The following ABCA9 variants were observed in gnomAD, a reference collection of about 807,000 sequenced individuals.
ABCA9 encodes ATP-binding cassette sub-family A member 9.
Under a neutral mutation model 205.3 loss-of-function variants are expected in ABCA9, and 183 were observed. That is an observed-to-expected ratio of 0.89 (90% CI 0.79 to 1.01). The LOEUF (loss-of-function observed/expected upper bound fraction) is 1.01, where lower values mean the gene tolerates loss of function less well. ABCA9 is among the 50% of genes least tolerant of loss of function. The probability of loss-of-function intolerance (pLI) is 0.00; values close to 1 mark genes in which losing one functional copy is unlikely to be tolerated. For synonymous variants in ABCA9, 651 were observed against 683.3 expected (o/e 0.95, Z 0.74); for missense variants, 1,805 against 1,912.4 (o/e 0.94, Z 1.05).
chr17:69,043,807 T>C (rs1354776634), intron 5 of ABCA9, 92 bp from the exon 6 acceptor site: 2 of 1,067,638 alleles, frequency 1.9e-6, no homozygotes, highest in Non-Finnish European at 2.7e-6. Context: ...ACGTACATTC[T>C]ACATTTATGT....
chr17:68,989,564 C>T (rs1214094766), intron 30 of ABCA9, among the ~76,000 whole-genome samples: 2 of 152,178 alleles, frequency 1.3e-5, no homozygotes, highest in Non-Finnish European at 2.9e-5. Context: ...TACCATCCTT[C>T]TTAACAGAAA....
chr17:69,044,289 CT>C (rs372874925), intron 5 of ABCA9, among the ~76,000 whole-genome samples: 4 of 152,186 alleles, frequency 2.6e-5, no homozygotes, highest in African/African-American at 4.8e-5. Flanking sequence ...CTATCTCCCC[CT>C]ATACCAGTAT....
In ABCA9 at chr17:69,026,417, G is replaced by A. The variant is rs1456034199; in HGVS notation, c.2101C>T (p.Leu701=). 2.5e-6 allele frequency: 4 copies of A among 1,613,878 alleles called. No homozygotes were observed. Among genetic ancestry groups the A allele is most frequent in the Admixed American group, 3.3e-5 (2 of 60,008 alleles). ...NGKLKCAGSS[L]FLKKKWGIGY... The stretch of plus-strand genomic sequence containing the variant: ...ATGCCCCATTTCTTCTTAAGGAACA[G>A]AGAAGAGCCTGCACACTTCAGCTTC... Residue 701 remains leucine, a synonymous_variant, in exon 16 of 39, where the codon CTG becomes TTG. Transcript: ENST00000340001.
chr17:69,066,500 A>C, the ABCA9 span, among the ~76,000 whole-genome samples: 14 of 152,282 alleles, frequency 9.2e-5, no homozygotes, highest in African/African-American at 3.4e-4. Flanking sequence ...ACATTTAAAA[A>C]GGGAAAGTGA....
upstream of ABCA9, among the ~76,000 whole-genome samples, chr17:69,062,009 C>T (rs765336968): frequency 1.3e-5 from 2 of 152,064 alleles, no homozygotes; most frequent in Non-Finnish European, 2.9e-5. Flanking sequence ...TCTTCCTTAC[C>T]CATTTCCCAT....
chr17:69,041,729 T>TTTATC (rs2071546980), intron 6 of ABCA9, among the ~76,000 whole-genome samples: 5 of 149,350 alleles, frequency 3.3e-5, no homozygotes, highest in Non-Finnish European at 1.5e-5. Flanking sequence ...AAGAAAGAAA[T>TTTATC]TATCTATCTA....
intron 30 of ABCA9, 30 bp downstream of exon 30, chr17:68,989,783 T>G (rs774462926): frequency 2.4e-6 from 3 of 1,255,478 alleles, no homozygotes. Context: ...GATTCAAGAT[T>G]GCTCTACTAA....
intron 23 of ABCA9, among the ~76,000 whole-genome samples, chr17:69,010,555 A>G (rs1422693741): frequency 6.6e-6 from 1 of 152,172 alleles, no homozygotes; most frequent in Non-Finnish European, 1.5e-5. Context: ...ATTTAATTCT[A>G]CCTGCAAAGA....
chr17:69,010,426 G>C (rs940381029), intron 23 of ABCA9, among the ~76,000 whole-genome samples: 3 of 152,208 alleles, frequency 2.0e-5, no homozygotes, highest in African/African-American at 7.2e-5. Flanking sequence ...TGGCATATTT[G>C]AGAACCAGAA....
At chr17:69,018,064 AGTCT>A (rs1367833713) in intron 20 of ABCA9, 5 of 400,106 alleles carry the variant, frequency 1.2e-5, no homozygotes, top group Non-Finnish European at 2.2e-5. Flanking sequence ...AGCTATTAAT[AGTCT>A]ATCTATCTTT....
chr17:69,014,185 C>T (rs1262629931), intron 22 of ABCA9, among the ~76,000 whole-genome samples: 2 of 152,136 alleles, frequency 1.3e-5, no homozygotes, highest in African/African-American at 4.8e-5. Flanking sequence ...AATCTGAAAT[C>T]TGAAATGCTC....
chr17:68,987,301 A>G (rs539921202), intron 31 of ABCA9, among the ~76,000 whole-genome samples: 5 of 152,348 alleles, frequency 3.3e-5, no homozygotes, highest in South Asian at 4.1e-4. Context: ...CCCCCAGTAC[A>G]AAGGAGAGAG....
At position 69,023,052 on chromosome 17, in the gene ABCA9, T is replaced by C. The variant is rs1028316257; in HGVS notation, c.2281+1162A>G. The C allele has an allele frequency of 6.6e-6, 1 of 152,252 alleles. No individual in the cohort carries two copies. The highest frequency in any genetic ancestry group is 2.4e-5 in the African/African-American group (1 of 41,472). 9.4% of individuals were successfully genotyped at this position (152,252 alleles called of 1,614,324 possible). Reference sequence around the variant, plus strand: ...ATAAGGATACATATCTCAAAGATATTGTGTATGCACTGTGAACCATTATTT... The same window carrying C: ...ATAAGGATACATATCTCAAAGATATCGTGTATGCACTGTGAACCATTATTT... On this transcript the variant is annotated intron_variant, in intron 17 of 38. Transcript: ENST00000340001. The surrounding 1 kb of genome is among the most constrained non-coding windows in gnomAD (Gnocchi z 4.2).
At chr17:69,046,893 A>ATATATATATATAAAAT (rs1214784659) in intron 3 of ABCA9, among the ~76,000 whole-genome samples, 3 of 114,816 alleles carry the variant, frequency 2.6e-5, no homozygotes, top group African/African-American at 1.2e-4. Flanking sequence ...ATATATATAT[A>ATATATATATATAAAAT]TATATATATA....
At chr17:68,984,301 T>C (rs2069161233) in intron 34 of ABCA9, 126 bp from the exon 35 acceptor site, 12 of 1,336,206 alleles carry the variant, frequency 9.0e-6, no homozygotes, top group Non-Finnish European at 1.1e-5. Context: ...AAAAAAGGGG[T>C]GTGTGTAGGG....
intron 25 of ABCA9, among the ~76,000 whole-genome samples, chr17:69,006,743 T>A (rs2070148794): frequency 6.6e-6 from 1 of 152,154 alleles, no homozygotes. Flanking sequence ...ACCAGACACA[T>A]CAATAAATAG....
chr17:69,040,222 T>A (rs978342409), intron 6 of ABCA9, among the ~76,000 whole-genome samples: 7 of 152,118 alleles, frequency 4.6e-5, no homozygotes, highest in Non-Finnish European at 8.8e-5. Flanking sequence ...ACGCTAAGGA[T>A]CATAAATCAT....
intron 16 of ABCA9, among the ~76,000 whole-genome samples, chr17:69,025,348 T>A (rs999626299): frequency 6.6e-6 from 1 of 152,192 alleles, no homozygotes; most frequent in Non-Finnish European, 1.5e-5. Context: ...AATAGTGCTT[T>A]CAGCGTTCCA....
upstream of ABCA9, among the ~76,000 whole-genome samples, chr17:69,062,265 T>G (rs1353988602): frequency 6.6e-6 from 1 of 152,154 alleles, no homozygotes. Flanking sequence ...GCCAACATTT[T>G]GTGCACAGAG....
Sources: allele counts gnomAD v4.1 joint callset (sites outside exome capture counted in the v4.1 genomes callset), GRCh38; gene constraint gnomAD v4.1.1; non-coding constraint Gnocchi (gnomAD v3.1); transcripts MANE v1.5; gene names NCBI Gene and HGNC (gene_info 2026-07-23, HGNC 2026-07-21).